ACSS3: variants seen among roughly 807,000 people sequenced by gnomAD.
ACSS3 encodes acyl-CoA synthetase short chain family member 3.
A neutral mutation model predicts 84.2 loss-of-function variants in ACSS3; 64 were observed. The observed-to-expected ratio is 0.76, with a 90% CI of 0.62 to 0.94. ACSS3 has a LOEUF of 0.94. Among genes scored for constraint, ACSS3 ranks in the 40% least tolerant of loss-of-function variants. The probability of loss-of-function intolerance (pLI) is 0.00; values close to 1 mark genes in which losing one functional copy is unlikely to be tolerated. For synonymous variants in ACSS3, 317 were observed against 310.1 expected, an observed-to-expected ratio of 1.02 and a Z score of -0.23; for missense variants, 815 against 867.6, an observed-to-expected ratio of 0.94 and a Z score of 0.76.
chr12:81,252,690 C>A (rs1555184941), intron 13 of ACSS3, among the ~76,000 whole-genome samples: 2 of 151,952 alleles, frequency 1.3e-5, no homozygotes, highest in Non-Finnish European at 2.9e-5. Flanking sequence ...TAGATACCAG[C>A]TTTGTGAACT....
chr12:81,127,575 T>G (rs1885187022), intron 2 of ACSS3, among the ~76,000 whole-genome samples: 1 of 152,208 alleles, frequency 6.6e-6, no homozygotes, highest in Non-Finnish European at 1.5e-5. Context: ...CATTTATCCA[T>G]ACTTTTAGTA....
At chr12:81,184,555 C>T (rs1264791009) in intron 8 of ACSS3, among the ~76,000 whole-genome samples, 1 of 151,496 alleles carries the variant, frequency 6.6e-6, no homozygotes, top group Non-Finnish European at 1.5e-5. Context: ...AGAGAAAAGA[C>T]TGAAATAAAT....
At chr12:81,106,437 A>G (rs12811816) in intron 1 of ACSS3, among the ~76,000 whole-genome samples, 53,201 of 152,038 alleles carry the variant, frequency 0.35, 11,811 homozygotes, top group Non-Finnish European at 0.5. Flanking sequence ...GGTGAGTTGT[A>G]TAATTATTTC....
intron 15 of ACSS3, among the ~76,000 whole-genome samples, chr12:81,254,461 T>A (rs2034246241): frequency 1.3e-5 from 2 of 152,208 alleles, no homozygotes; most frequent in African/African-American, 2.4e-5. Flanking sequence ...TCATATGTTT[T>A]AATTTGTGTG....
intron 2 of ACSS3, among the ~76,000 whole-genome samples, chr12:81,114,595 T>A (rs1403647281): frequency 6.6e-6 from 1 of 152,104 alleles, no homozygotes; most frequent in Non-Finnish European, 1.5e-5. Flanking sequence ...TCCTTAAATT[T>A]CCTAAATAAA....
rs56249492 is a variant in ACSS3, at chr12:81,135,642, A to G, written c.645+638A>G. 7.7e-3 allele frequency among the ~76,000 whole-genome samples: 1,163 copies of G among 151,858 alleles called. 9 individuals carry two copies. The highest frequency in any genetic ancestry group is 0.012 in the Non-Finnish European group (824 of 67,940). On this transcript the variant is annotated intron_variant, in intron 3 of 15. Coordinates refer to ENST00000548058, the MANE Select transcript of ACSS3 (RefSeq NM_024560.4). ...AGTGGGAGCTAAGCTATGTGTATGC[A>G]AAGACATATAGAGTGGTATAATGGA...
At chr12:81,223,047 A>G (rs1354509047) in intron 11 of ACSS3, among the ~76,000 whole-genome samples, 2 of 152,072 alleles carry the variant, frequency 1.3e-5, no homozygotes, top group African/African-American at 4.8e-5. Context: ...GTGCAGAAAT[A>G]AAACTATGAG....
At chr12:81,111,205 G>A (rs919260223) in intron 2 of ACSS3, among the ~76,000 whole-genome samples, 1 of 152,154 alleles carries the variant, frequency 6.6e-6, no homozygotes, top group African/African-American at 2.4e-5. Context: ...AGAAAGAGCA[G>A]AAGTGAGGAG....
intron 8 of ACSS3, among the ~76,000 whole-genome samples, chr12:81,176,413 A>G (rs922334652): frequency 2.6e-5 from 4 of 152,168 alleles, no homozygotes; most frequent in Non-Finnish European, 5.9e-5. Context: ...TATTAAAAAT[A>G]CAAAAATTAG....
intron 8 of ACSS3, among the ~76,000 whole-genome samples, chr12:81,189,289 A>G (rs937572296): frequency 1.3e-5 from 2 of 152,202 alleles, no homozygotes; most frequent in African/African-American, 2.4e-5. Flanking sequence ...ACAGTTTTCC[A>G]AGGTTATTCA....
rs373217798 is a variant in ACSS3, at chr12:81,078,389, G to A, written c.269G>A (p.Trp90Ter). Residue 90 changes from tryptophan to a stop codon, truncating the protein, a stop_gained, in exon 1 of 16, where the codon TGG becomes TAG. Coordinates refer to ENST00000548058, the MANE Select transcript of ACSS3 (RefSeq NM_024560.4). LOFTEE classifies it high-confidence loss of function. Reference sequence around the variant, plus strand: ...GAGCAGATCAGCTGGTACAAGCCCTGGACCAAAACGCTGGAGAACAAACAC... The same window carrying A: ...GAGCAGATCAGCTGGTACAAGCCCTAGACCAAAACGCTGGAGAACAAACAC... ...AAEQISWYKP[W>*]TKTLENKHSP... 8.1e-6 allele frequency: 13 copies of A among 1,612,644 alleles called. No homozygotes were observed. Among genetic ancestry groups the A allele is most frequent in the Non-Finnish European group, 1.1e-5 (13 of 1,179,996 alleles).
chr12:81,124,045 ATTGT>A (rs1255025956), intron 2 of ACSS3, among the ~76,000 whole-genome samples: 6 of 152,128 alleles, frequency 3.9e-5, no homozygotes. Flanking sequence ...ACTGTTTTAA[ATTGT>A]TTGAGAAATC....
intron 7 of ACSS3, among the ~76,000 whole-genome samples, chr12:81,170,897 G>T (rs1422108237): frequency 6.6e-6 from 1 of 151,906 alleles, no homozygotes; most frequent in Non-Finnish European, 1.5e-5. Flanking sequence ...AGGCAGGAGA[G>T]AATTTTAAAT....
intron 7 of ACSS3, among the ~76,000 whole-genome samples, chr12:81,164,101 G>C (rs1248509644): frequency 1.3e-5 from 2 of 152,130 alleles, no homozygotes; most frequent in African/African-American, 4.8e-5. Flanking sequence ...GCAACTCCTA[G>C]TTCTATAAGC....
rs1565999055 is a variant in ACSS3 at position 81,139,160 on chromosome 12, C to T, written c.675C>T (p.Gly225=). The T allele has an allele frequency of 6.2e-7, 1 of 1,613,602 alleles. No individual in the cohort carries two copies. Among genetic ancestry groups the T allele is most frequent in the East Asian group, 2.2e-5 (1 of 44,824 alleles). The change falls in exon 4 of 16, where the codon GGC becomes GGT. Residue 225 remains glycine (G), a synonymous_variant. Coordinates refer to ENST00000548058, the MANE Select transcript of ACSS3 (RefSeq NM_024560.4). ...KPKVVVTASF[G]IEPGRRVEYV... ...AGGTGGTTGTTACAGCATCATTTGG[C>T]ATTGAACCTGGAAGGAGGGTAGAGT...
chr12:81,170,531 C>T (rs1203204037), intron 7 of ACSS3, among the ~76,000 whole-genome samples: 1 of 151,948 alleles, frequency 6.6e-6, no homozygotes, highest in African/African-American at 2.4e-5. Context: ...CCTTTATTAT[C>T]TAGGAAGCAA....
At chr12:81,183,102 C>G (rs1451580098) in intron 8 of ACSS3, among the ~76,000 whole-genome samples, 1 of 152,138 alleles carries the variant, frequency 6.6e-6, no homozygotes, top group African/African-American at 2.4e-5. Context: ...CTTTATTATC[C>G]ATGCTGGCAA....
chr12:81,246,551 A>T (rs2033991205), intron 13 of ACSS3, among the ~76,000 whole-genome samples: 1 of 152,198 alleles, frequency 6.6e-6, no homozygotes, highest in Non-Finnish European at 1.5e-5. Flanking sequence ...CTCATCACCA[A>T]GTTGTATTTC....
At chr12:81,085,615 A>G (rs900087566) in intron 1 of ACSS3, among the ~76,000 whole-genome samples, 7 of 152,216 alleles carry the variant, frequency 4.6e-5, no homozygotes, top group African/African-American at 1.7e-4. Context: ...TATCAAGGGA[A>G]CTGTTCCGAA....
Sources: allele counts gnomAD v4.1 joint callset (sites outside exome capture counted in the v4.1 genomes callset), GRCh38; gene constraint gnomAD v4.1.1; transcripts MANE v1.5; gene names NCBI Gene and HGNC (gene_info 2026-07-23, HGNC 2026-07-21).